Variants in PPP2R3B observed in about 807,000 individuals in gnomAD.
The protein encoded by PPP2R3B is protein phosphatase 2 regulatory subunit B''beta.
Under a neutral mutation model 72.9 loss-of-function variants are expected in PPP2R3B, and 68 were observed. The observed-to-expected ratio is 0.93, with a 90% CI of 0.77 to 1.14. PPP2R3B has a LOEUF of 1.14. PPP2R3B is among the 50% of genes most tolerant of loss of function. The pLI is 0.00. For missense variants in PPP2R3B, 1,018 were observed against 842.0 expected (o/e 1.21, Z -2.59); for synonymous variants, 466 against 375.8 (o/e 1.24, Z -2.78).
chrX:347,348 G>A lies in PPP2R3B; in HGVS notation c.615-12C>T, dbSNP rs1485757416. On this transcript the variant is annotated splice_polypyrimidine_tract_variant and intron_variant, in intron 3 of 12. Transcript: ENST00000390665. ...AGTTCTGGAGGATTCTGGAAGGACA[G>A]GATGACTGGGCACCACCCTCACAGG... The A allele has an allele frequency of 3.1e-6, 5 of 1,612,578 alleles. No homozygotes were observed. The Admixed American group carries it at 5.0e-5, about 16-fold the overall frequency.
intron 12 of PPP2R3B, 93 bp from the exon 13 acceptor site, chrX:334,610 C>T (rs766472356): frequency 7.5e-7 from 1 of 1,332,080 alleles, no homozygotes; most frequent in African/African-American, 1.5e-5. Flanking sequence ...CCGCCAACCT[C>T]CAGCACGAGA....
In PPP2R3B at chrX:338,492, T is replaced by C. The variant is rs2070950968; in HGVS notation, c.1577+112A>G. 6 of 1,097,198 alleles carry C rather than the reference T, an allele frequency of 5.5e-6. 1 individual carries two copies. The African/African-American group carries it at 9.8e-5, about 18-fold the overall frequency. The allele number at this position is 1,097,198 out of a possible 1,614,324, so 68.0% of individuals were successfully genotyped here. A position where few individuals can be genotyped will look rare whatever the true frequency, so the allele number is the denominator to read the frequency against. ...TCTGTGTCCGCGCACCCCACCTGAC[T>C]GACCCCGCATCCCCCGGCTGCACAC... On this transcript the variant is annotated intron_variant, in intron 12 of 12. Transcript: ENST00000390665.
intron 3 of PPP2R3B, 113 bp downstream of exon 3, chrX:347,477 A>G (rs2071245931): frequency 2.2e-5 from 30 of 1,365,828 alleles, no homozygotes; most frequent in Non-Finnish European, 2.9e-5. Flanking sequence ...GTGCCCGTAC[A>G]AGGGTTTCTC....
intron 12 of PPP2R3B, 45 bp downstream of exon 12, chrX:338,559 C>T: frequency 7.2e-7 from 1 of 1,395,514 alleles, no homozygotes; most frequent in South Asian, 1.3e-5. Context: ...ACTCACCCGT[C>T]CTCCCACTGA....
Position 350,035 on chromosome X carries a change from A to AG in PPP2R3B, c.511-2343dup, listed in dbSNP as rs1385702150. Among the ~76,000 whole-genome samples the AG allele has an allele frequency of 3.3e-5, 5 of 152,300 alleles. No individual in the cohort carries two copies. The East Asian group carries it at 9.7e-4, about 29-fold the overall frequency. ...GGACAGGCTCATGTGAAAACTTACC[A>AG]GGGAACACAAAAGAACTCACAGGGG... On this transcript the variant is annotated intron_variant, in intron 2 of 12. Transcript: ENST00000390665.
intron 1 of PPP2R3B, among the ~76,000 whole-genome samples, chrX:375,219 A>T (rs963913890): frequency 2.2e-4 from 34 of 152,222 alleles, no homozygotes; most frequent in African/African-American, 8.2e-4. Context: ...GACCCCCGGT[A>T]AGTCTCCAAA....
chrX:345,318 C>T (rs1439759680), intron 7 of PPP2R3B, 198 bp downstream of exon 7: 12 of 796,352 alleles, frequency 1.5e-5, no homozygotes, highest in South Asian at 7.3e-5. Flanking sequence ...GGCAGAGGCG[C>T]ACGCGGGGAC....
rs781771339 is a variant in PPP2R3B at position 334,470 on chromosome X, C to G, written c.1625G>C (p.Arg542Pro). 6.3e-7 allele frequency: 1 copy of G among 1,591,296 alleles called. No individual in the cohort carries two copies. Among genetic ancestry groups the G allele is most frequent in the Admixed American group, 1.7e-5 (1 of 57,722 alleles). Residue 542 changes from arginine to proline, a missense_variant, in exon 13 of 13, where the codon CGC becomes CCC. Coordinates refer to ENST00000390665, the MANE Select transcript of PPP2R3B (RefSeq NM_013239.5). ...GAAGGGCCTCTGGGCCAGCGGGGAG[C>G]GCAGCGCACTCAGCTTCTGCTCCAC... ...SPVEQKLSALRSPLAQRPFFE... is the reference protein window; with the variant it reads ...SPVEQKLSALPSPLAQRPFFE...
chrX:353,783 G>A (rs1168921482), intron 2 of PPP2R3B, among the ~76,000 whole-genome samples: 8 of 143,858 alleles, frequency 5.6e-5, no homozygotes, highest in East Asian at 2.0e-4. Flanking sequence ...CCCAAAGACC[G>A]GGGCTCACCC....
At chrX:372,185 C>A (rs1438516624) in intron 1 of PPP2R3B, among the ~76,000 whole-genome samples, 1 of 152,172 alleles carries the variant, frequency 6.6e-6, no homozygotes, top group African/African-American at 2.4e-5. Context: ...TCGCTCTTCG[C>A]AGGTTAAGAG....
Position 364,522 on chromosome X carries a change from A to AC in PPP2R3B, c.325-2933_325-2932insG, listed in dbSNP as rs1556212482. 7.3e-5 allele frequency among the ~76,000 whole-genome samples: 3 copies of AC among 40,860 alleles called. No individual in the cohort carries two copies. The East Asian group carries it at 1.4e-3, about 19-fold the overall frequency. 26.8% of individuals were successfully genotyped at this position (40,860 alleles called of 152,430 possible). On this transcript the variant is annotated intron_variant, in intron 1 of 12. Coordinates refer to ENST00000390665, the MANE Select transcript of PPP2R3B (RefSeq NM_013239.5). ...CATCTCTACTAAAAAAAAAAAAAAC[A>AC]AAAAAAAAAAAACAGAAAACAAAAA...
Position 341,276 on chromosome X carries a change from G to A in PPP2R3B, c.1175+31C>T, listed in dbSNP as rs1257646061. 7 of 1,607,054 alleles carry A rather than the reference G, an allele frequency of 4.4e-6. No individual in the cohort carries two copies. The South Asian group carries it at 4.4e-5, about 10-fold the overall frequency. ...ATGGGCGGCTCCCGGCCCCTCCACT[G>A]GGACAAACGCATGCCGCAGCAGGAA... On this transcript the variant is annotated intron_variant, in intron 9 of 12. Transcript: ENST00000390665.
At chrX:338,302 G>C (rs1000353941) in intron 12 of PPP2R3B, 11 of 547,584 alleles carry the variant, frequency 2.0e-5, no homozygotes, top group Non-Finnish European at 3.0e-5. Context: ...AGACGTCGTT[G>C]GCGAAACACG....
chrX:346,567 G>A lies in PPP2R3B; in HGVS notation c.792+134C>T, dbSNP rs946989442. On this transcript the variant is annotated intron_variant, in intron 5 of 12. Coordinates refer to ENST00000390665, the MANE Select transcript of PPP2R3B (RefSeq NM_013239.5). Reference sequence around the variant, plus strand: ...TCCCGGGCGGGTGGAGACTCTCCCAGAGCGCGGCCGCCTCCTCCGGAAGCT... The same window carrying A: ...TCCCGGGCGGGTGGAGACTCTCCCAAAGCGCGGCCGCCTCCTCCGGAAGCT... 19 of 861,408 alleles carry A rather than the reference G, an allele frequency of 2.2e-5. 1 individual carries two copies. In the African/African-American group the frequency reaches 2.8e-4, roughly 13 times the overall value. The allele number at this position is 861,408 out of a possible 1,614,324, so 53.4% of individuals were successfully genotyped here. A position where few individuals can be genotyped will look rare whatever the true frequency, so the allele number is the denominator to read the frequency against.
At chrX:334,795 G>A (rs370919458) in intron 12 of PPP2R3B, 224 of 392,486 alleles carry the variant, frequency 5.7e-4, no homozygotes, top group Middle Eastern at 3.9e-3. Context: ...GGGCGGGCGC[G>A]CCTCTTCCCC....
Position 338,722 on chromosome X carries a change from A to C in PPP2R3B, c.1471-12T>G, listed in dbSNP as rs760255512. On this transcript the variant is annotated splice_polypyrimidine_tract_variant and intron_variant, in intron 11 of 12. Transcript: ENST00000390665. ...CCGCTGTCACCGTCCTGGAGGAAGC[A>C]CACGGGTTACGTACACGGCGTGGCG... 6.2e-7 allele frequency: 1 copy of C among 1,611,652 alleles called. No homozygotes were observed. The highest frequency in any genetic ancestry group is 1.1e-5 in the South Asian group (1 of 91,032).
chrX:379,069 CTG>C (rs572904464), intron 1 of PPP2R3B, among the ~76,000 whole-genome samples: 82 of 148,646 alleles, frequency 5.5e-4, no homozygotes, highest in East Asian at 1.4e-3. Flanking sequence ...GTGTATGCAC[CTG>C]TGTGTGTGTA....
intron 9 of PPP2R3B, 95 bp from the exon 10 acceptor site, chrX:341,035 C>G: frequency 6.7e-7 from 1 of 1,495,448 alleles, no homozygotes; most frequent in Non-Finnish European, 9.0e-7. Context: ...GTGCACGCGT[C>G]CCCGCTGTGC....
At position 369,732 on chromosome X, in the gene PPP2R3B, G is replaced by A. The variant is rs750344040; in HGVS notation, c.325-8142C>T. ...CAGCAGAAATGACCCTCGCCCCCAC[G>A]GCAGCAGGACCGGACACCACGATCA... is the stretch of plus-strand genomic sequence containing the variant. On this transcript the variant is annotated intron_variant, in intron 1 of 12. Transcript: ENST00000390665. Among the ~76,000 whole-genome samples the A allele has an allele frequency of 3.3e-5, 5 of 152,296 alleles. 1 individual carries two copies. The East Asian group carries it at 5.8e-4, about 18-fold the overall frequency.
Sources: allele counts gnomAD v4.1 joint callset (sites outside exome capture counted in the v4.1 genomes callset), GRCh38; gene constraint gnomAD v4.1.1; transcripts MANE v1.5; gene names NCBI Gene and HGNC (gene_info 2026-07-23, HGNC 2026-07-21).